The following TMEM161A variants were observed in gnomAD, a reference collection of about 807,000 sequenced individuals.
TMEM161A encodes transmembrane protein 161A.
Under a neutral mutation model 57.1 loss-of-function variants are expected in TMEM161A, and 46 were observed. The ratio of observed to expected loss-of-function variants is 0.81; its 90% CI spans 0.64 to 1.03. TMEM161A has a LOEUF of 1.03. Among genes scored for constraint, TMEM161A ranks in the 50% least tolerant of loss-of-function variants. TMEM161A has a pLI of 0.00. For missense variants in TMEM161A, 601 were observed against 621.5 expected (o/e 0.97, Z 0.35); for synonymous variants, 288 against 279.0 (o/e 1.03, Z -0.32).
In TMEM161A at chr19:19,121,769, A is replaced by G; in HGVS notation, c.646T>C (p.Trp216Arg). 1 of 1,614,016 alleles carries G rather than the reference A, an allele frequency of 6.2e-7. No homozygotes were observed. The highest frequency in any genetic ancestry group is 8.5e-7 in the Non-Finnish European group (1 of 1,180,004). ...NLEPLLKKQG[W>R]DWALPVAKLA... ...ATTCCCAGGACTCACGCCCAGTCCC[A>G]GCCCTGCTTCTTCAGAAGTGGCTCT... The change falls in exon 7 of 12, where the codon TGG (tryptophan) becomes CGG (arginine). Residue 216 changes from tryptophan (W) to arginine (R), a missense_variant. Trp to Arg is a moderately radical substitution (Grantham distance 101). Transcript: ENST00000162044. This position sits in a 1 kb window ranked among gnomAD's most constrained non-coding sequence, Gnocchi z 5.8.
chr19:19,132,758 G>A lies in TMEM161A; in HGVS notation c.189-4C>T. 1 of 1,530,162 alleles carries A rather than the reference G, an allele frequency of 6.5e-7. No individual in the cohort carries two copies. Among genetic ancestry groups the A allele is most frequent in the Non-Finnish European group, 8.8e-7 (1 of 1,138,436 alleles). The allele number at this position is 1,530,162 out of a possible 1,614,324, so 94.8% of individuals were successfully genotyped here. A position where few individuals can be genotyped will look rare whatever the true frequency, so the allele number is the denominator to read the frequency against. ...CTCACTAAGGCCATTGGCCCACCTGGGAGGATGGTGACAAGCAAGAGGGAC... is the reference window on the plus strand; with the variant it reads ...CTCACTAAGGCCATTGGCCCACCTGAGAGGATGGTGACAAGCAAGAGGGAC... On this transcript the variant is annotated splice_region_variant and splice_polypyrimidine_tract_variant and intron_variant, in intron 3 of 11. Transcript: ENST00000162044. The surrounding 1 kb of genome is among the most constrained non-coding windows in gnomAD (Gnocchi z 4.3).
intron 1 of TMEM161A, among the ~76,000 whole-genome samples, chr19:19,135,791 GTC>G (rs1446231000): frequency 1.3e-5 from 2 of 152,126 alleles, no homozygotes; most frequent in African/African-American, 2.4e-5. Flanking sequence ...TGCCAGGCTG[GTC>G]TTGAACTCCT....
At position 19,120,897 on chromosome 19, in the gene TMEM161A, G is replaced by T. The variant is rs745491236; in HGVS notation, c.1090-36C>A. ...GTAGCAGGGGTGGCTGCAGCAGGAG[G>T]CCTTCTGGTTTGGGACGACTCCACG... On this transcript the variant is annotated intron_variant, in intron 10 of 11. Transcript: ENST00000162044. The T allele has an allele frequency of 2.5e-6, 4 of 1,611,900 alleles. No homozygotes were observed. In the Admixed American group the frequency reaches 6.7e-5, roughly 27 times the overall value.
At chr19:19,138,287 C>T (rs911424507) in intron 1 of TMEM161A, 139 bp downstream of exon 1, 4 of 1,258,022 alleles carry the variant, frequency 3.2e-6, no homozygotes, top group Non-Finnish European at 4.5e-6. Context: ...GGACACACGG[C>T]CTTCAGCGTG....
chr19:19,119,902 T>C lies in TMEM161A; in HGVS notation c.*28A>G. 6.5e-7 allele frequency: 1 copy of C among 1,548,312 alleles called. No homozygotes were observed. The highest frequency in any genetic ancestry group is 8.7e-7 in the Non-Finnish European group (1 of 1,146,764). ...TGTCCCGCTGCCCCAGGAACAGACC[T>C]CAGGGCCCCAGGAGGGTCTGCAGGC... On this transcript the variant is annotated 3_prime_UTR_variant, in exon 12 of 12. Coordinates refer to ENST00000162044, the MANE Select transcript of TMEM161A (RefSeq NM_017814.3).
rs774479919 is a variant in TMEM161A at position 19,121,351 on chromosome 19, C to T, written c.871G>A (p.Asp291Asn). The T allele has an allele frequency of 6.3e-7, 1 of 1,595,314 alleles. No homozygotes were observed. Among genetic ancestry groups the T allele is most frequent in the Non-Finnish European group, 8.5e-7 (1 of 1,171,542 alleles). The change falls in exon 9 of 12, where the codon GAC (aspartate) becomes AAC (asparagine). Residue 291 changes from aspartate (D) to asparagine (N), a missense_variant. Asp to Asn is a conservative substitution (Grantham distance 23). Transcript: ENST00000162044. This position sits in a 1 kb window ranked among gnomAD's most constrained non-coding sequence, Gnocchi z 5.8. ...LWLWTKPIAR[D>N]FLHQPPFGET... ...CCAAACGGCGGCTGGTGCAGGAAGT[C>T]CCGTGCAATGGGCTTTGTCCAGAGC...
chr19:19,120,360 C>T (rs2059902752), intron 11 of TMEM161A, among the ~76,000 whole-genome samples, 177 bp from the exon 12 acceptor site: 1 of 151,958 alleles, frequency 6.6e-6, no homozygotes, highest in East Asian at 1.9e-4. Context: ...GCAAACCCTA[C>T]CCCAGGCCCC....
intron 2 of TMEM161A, 196 bp from the exon 3 acceptor site, chr19:19,133,406 G>A: frequency 3.5e-6 from 2 of 568,916 alleles, no homozygotes; most frequent in South Asian, 2.3e-5. Context: ...GGCTCCGGGG[G>A]CTTGGATACC....
In TMEM161A at chr19:19,119,966, G is replaced by A. The variant is rs1300617744; in HGVS notation, c.1404C>T (p.Phe468=). The change falls in exon 12 of 12, where the codon TTC becomes TTT. Residue 468 remains phenylalanine, a synonymous_variant. Coordinates refer to ENST00000162044, the MANE Select transcript of TMEM161A (RefSeq NM_017814.3). ...CCAAGTGCTGGTGGAAGTAGAGGCC[G>A]AAAAGGCTGGCGAGCAGCTGGCAGG... ...TAACQLLASL[F]GLYFHQHLAG... is the part of the protein sequence containing the mutation. The A allele has an allele frequency of 1.3e-6, 2 of 1,564,922 alleles. No homozygotes were observed. The highest frequency in any genetic ancestry group is 1.7e-6 in the Non-Finnish European group (2 of 1,155,746).
intron 1 of TMEM161A, among the ~76,000 whole-genome samples, chr19:19,136,612 T>G (rs1210545731): frequency 6.6e-6 from 1 of 152,072 alleles, no homozygotes; most frequent in East Asian, 1.9e-4. Context: ...GCCGAGATTG[T>G]GCCACTGCAC....
intron 5 of TMEM161A, 87 bp from the exon 6 acceptor site, chr19:19,130,394 G>C: frequency 6.5e-7 from 1 of 1,546,890 alleles, no homozygotes; most frequent in Non-Finnish European, 8.8e-7. Context: ...CAGAACTCCA[G>C]GGAACAAGCA....
chr19:19,134,004 C>T (rs977988028), intron 2 of TMEM161A, among the ~76,000 whole-genome samples: 1 of 151,512 alleles, frequency 6.6e-6, no homozygotes, highest in African/African-American at 2.4e-5. Flanking sequence ...ATCCTCCCAC[C>T]TTGGCTTCCC....
In TMEM161A at chr19:19,132,960, C is replaced by T; in HGVS notation, c.188+170G>A. Reference sequence around the variant, plus strand: ...GAAACAGATGCTAACTTGACAGTGACCATCTCCTTGGACTAGGGTCTCCCG... The same window carrying T: ...GAAACAGATGCTAACTTGACAGTGATCATCTCCTTGGACTAGGGTCTCCCG... On this transcript the variant is annotated intron_variant, in intron 3 of 11. Transcript: ENST00000162044. This position sits in a 1 kb window ranked among gnomAD's most constrained non-coding sequence, Gnocchi z 4.3. 2.8e-6 allele frequency: 2 copies of T among 714,650 alleles called. No individual in the cohort carries two copies. Among genetic ancestry groups the T allele is most frequent in the Non-Finnish European group, 4.6e-6 (2 of 436,208 alleles). 44.3% of individuals were successfully genotyped at this position (714,650 alleles called of 1,614,324 possible).
intron 6 of TMEM161A, 26 bp downstream of exon 6, chr19:19,130,130 G>T: frequency 6.2e-7 from 1 of 1,610,478 alleles, no homozygotes; most frequent in Non-Finnish European, 8.5e-7. Flanking sequence ...CAGCTGCGGT[G>T]GCCCCACGTT....
chr19:19,125,716 C>G (rs1466724985), intron 6 of TMEM161A, among the ~76,000 whole-genome samples: 2 of 151,926 alleles, frequency 1.3e-5, no homozygotes, highest in African/African-American at 4.8e-5. Context: ...CGGGGTTTCA[C>G]GGTGTTAGCC....
At chr19:19,133,064 G>C in intron 3 of TMEM161A, 66 bp downstream of exon 3, 1 of 1,485,344 alleles carries the variant, frequency 6.7e-7, no homozygotes, top group Non-Finnish European at 9.2e-7. Flanking sequence ...CCCCTGAGCA[G>C]GGGTGAGGCC....
intron 6 of TMEM161A, among the ~76,000 whole-genome samples, chr19:19,125,660 G>A (rs1440317656): frequency 1.3e-5 from 2 of 151,834 alleles, no homozygotes; most frequent in Non-Finnish European, 2.9e-5. Context: ...GGGACTACAG[G>A]CGCCTGCCAC....
At chr19:19,129,516 C>T (rs916947922) in intron 6 of TMEM161A, among the ~76,000 whole-genome samples, 14 of 151,904 alleles carry the variant, frequency 9.2e-5, no homozygotes, top group East Asian at 3.9e-4. Context: ...GAGGCTGAGG[C>T]GGGCAGACTG....
rs1194823515 is a variant in TMEM161A at position 19,134,668 on chromosome 19, T to A, written c.107+116A>T. 4 of 688,008 alleles carry A rather than the reference T, an allele frequency of 5.8e-6. No homozygotes were observed. The East Asian group carries it at 1.1e-4, about 19-fold the overall frequency. 42.6% of individuals were successfully genotyped at this position (688,008 alleles called of 1,614,324 possible). On this transcript the variant is annotated intron_variant, in intron 2 of 11. Coordinates refer to ENST00000162044, the MANE Select transcript of TMEM161A (RefSeq NM_017814.3). Reference sequence around the variant, plus strand: ...CTTCAATTACACCTCAACAACGTTTTTCCCCCCACCACCCACCAACCAAAA... The same window carrying A: ...CTTCAATTACACCTCAACAACGTTTATCCCCCCACCACCCACCAACCAAAA...
Sources: gnomAD v4.1 joint callset for allele counts (sites outside exome capture counted in the v4.1 genomes callset) on GRCh38, gnomAD v4.1.1 for gene constraint, Gnocchi (gnomAD v3.1) non-coding constraint, MANE v1.5 for transcripts, NCBI Gene and HGNC (gene_info 2026-07-23, HGNC 2026-07-21) for gene names.